DDX54: variants seen among roughly 807,000 people sequenced by gnomAD.
The protein encoded by DDX54 is DEAD-box helicase 54, also known as ATP-dependent RNA helicase DDX54.
Under a neutral mutation model 105.5 loss-of-function variants are expected in DDX54, and 67 were observed. The ratio of observed to expected loss-of-function variants is 0.64; its 90% CI spans 0.52 to 0.78. The LOEUF is 0.78. Ranked by LOEUF, DDX54 falls within the 30% of genes least tolerant of loss-of-function variation. The pLI, the probability that DDX54 is intolerant of heterozygous loss-of-function variation, is 0.00. For synonymous variants in DDX54, 514 were observed against 509.9 expected (o/e 1.01, Z -0.11); for missense variants, 1,206 against 1,230.5 (o/e 0.98, Z 0.30).
In DDX54 at chr12:113,158,667, C is replaced by T; in HGVS notation, c.*210G>A. 1 of 574,220 alleles carries T rather than the reference C, an allele frequency of 1.7e-6. No homozygotes were observed. The highest frequency in any genetic ancestry group is 2.9e-6 in the Non-Finnish European group (1 of 346,302). 35.6% of individuals were successfully genotyped at this position (574,220 alleles called of 1,614,324 possible). A position where few individuals can be genotyped will look rare whatever the true frequency, so the allele number is the denominator to read the frequency against. On this transcript the variant is annotated 3_prime_UTR_variant, in exon 20 of 20. Transcript: ENST00000306014. The surrounding 1 kb of genome is among the most constrained non-coding windows in gnomAD (Gnocchi z 4.9). ...GCTTTGCTGGCGAACTCCTGCACAC[C>T]CTTCAAGGCCCTGTTCAAATGTCTC...
chr12:113,174,898 T>C lies in DDX54; in HGVS notation c.913A>G (p.Thr305Ala), dbSNP rs1397768744. Residue 305 changes from threonine (T) to alanine (A), a missense_variant, in exon 9 of 20, where the codon ACC becomes GCC. This residue lies in a region of DDX54 where 961 missense variants were observed against 1,019.1 expected (regional missense o/e 0.94). Transcript: ENST00000306014. ...EPVLIRLDVD[T>A]KLNEQLKTSF... ...ACCTTCAGCTGCTCGTTGAGCTTGG[T>C]ATCCACGTCAAGCCGGATGAGCACG... is the stretch of plus-strand genomic sequence containing the variant. The C allele has an allele frequency of 1.2e-6, 2 of 1,613,796 alleles. No individual in the cohort carries two copies. Among genetic ancestry groups the C allele is most frequent in the Non-Finnish European group, 1.7e-6 (2 of 1,179,934 alleles).
At chr12:113,176,709 A>G in intron 7 of DDX54, 131 bp downstream of exon 7, 1 of 909,062 alleles carries the variant, frequency 1.1e-6, no homozygotes, top group Non-Finnish European at 1.7e-6. Flanking sequence ...TCTGCAGCCC[A>G]CATCTGGGAA....
At chr12:113,179,730 C>A (rs1223006600) in intron 3 of DDX54, among the ~76,000 whole-genome samples, 2 of 152,206 alleles carry the variant, frequency 1.3e-5, no homozygotes, top group East Asian at 3.8e-4. Context: ...CTCCAGGAGG[C>A]TCAACTGGCA....
chr12:113,163,318 C>T lies in DDX54; in HGVS notation c.1939-44G>A. 1 of 1,575,254 alleles carries T rather than the reference C, an allele frequency of 6.3e-7. No individual in the cohort carries two copies. The highest frequency in any genetic ancestry group is 8.6e-7 in the Non-Finnish European group (1 of 1,160,964). ...AGGCCCAGTGTCATGCCTGCTGCCCCCTGGGGACTTCCCCCTGCCTCCCTA... is the reference window on the plus strand; with the variant it reads ...AGGCCCAGTGTCATGCCTGCTGCCCTCTGGGGACTTCCCCCTGCCTCCCTA... On this transcript the variant is annotated intron_variant, in intron 15 of 19. Coordinates refer to ENST00000306014, the MANE Select transcript of DDX54 (RefSeq NM_024072.4). This position sits in a 1 kb window ranked among gnomAD's most constrained non-coding sequence, Gnocchi z 5.9.
In DDX54 at chr12:113,164,713, C is replaced by A. The variant is rs1952252904; in HGVS notation, c.1720-428G>T. On this transcript the variant is annotated intron_variant, in intron 14 of 19. Coordinates refer to ENST00000306014, the MANE Select transcript of DDX54 (RefSeq NM_024072.4). Reference sequence around the variant, plus strand: ...TGGGTAACAGAGCGAGACTCCATCTCAAAAACAAAACCAAACAAAAACACA... The same window carrying A: ...TGGGTAACAGAGCGAGACTCCATCTAAAAAACAAAACCAAACAAAAACACA... Among the ~76,000 whole-genome samples, 3 of 151,338 alleles carry A rather than the reference C, an allele frequency of 2.0e-5. No individual in the cohort carries two copies. In the South Asian group the frequency reaches 6.3e-4, roughly 32 times the overall value.
intron 12 of DDX54, chr12:113,168,044 G>A (rs951040143): frequency 1.8e-5 from 8 of 442,366 alleles, no homozygotes; most frequent in African/African-American, 4.2e-5. Flanking sequence ...CCTGCGTGGC[G>A]CCCGACTGAG....
In DDX54 at chr12:113,158,840, A is replaced by G; in HGVS notation, c.*37T>C. 6.4e-7 allele frequency: 1 copy of G among 1,556,648 alleles called. No individual in the cohort carries two copies. Among genetic ancestry groups the G allele is most frequent in the Non-Finnish European group, 8.7e-7 (1 of 1,145,844 alleles). On this transcript the variant is annotated 3_prime_UTR_variant, in exon 20 of 20. Transcript: ENST00000306014. This position sits in a 1 kb window ranked among gnomAD's most constrained non-coding sequence, Gnocchi z 4.9. ...GGAACGTCTGCTGATGCCCACCCTA[A>G]GGCCAATCAAGGAGCCACGGGGCTG...
At chr12:113,178,872 C>A in intron 5 of DDX54, 105 bp downstream of exon 5, 1 of 1,424,738 alleles carries the variant, frequency 7.0e-7, no homozygotes, top group South Asian at 1.3e-5. Flanking sequence ...AGCACAGAAG[C>A]TGCTATTATT....
chr12:113,183,863 T>C (rs1432799065), intron 1 of DDX54: 1 of 152,022 alleles, frequency 6.6e-6, no homozygotes, highest in African/African-American at 2.4e-5. Flanking sequence ...CACAGCTCAC[T>C]GTACTCTCCG....
chr12:113,185,072 C>T (rs1304904244), intron 1 of DDX54, among the ~76,000 whole-genome samples: 1 of 152,238 alleles, frequency 6.6e-6, no homozygotes, highest in Non-Finnish European at 1.5e-5. Context: ...GCCCCGGGAT[C>T]CCAAGGCTCT....
chr12:113,170,548 A>G (rs772085398), intron 11 of DDX54, among the ~76,000 whole-genome samples: 1 of 152,132 alleles, frequency 6.6e-6, no homozygotes, highest in African/African-American at 2.4e-5. Flanking sequence ...CTGAGCTGGG[A>G]GGATTGCTTG....
intron 10 of DDX54, 115 bp from the exon 11 acceptor site, chr12:113,172,678 T>TG (rs2136321077): frequency 7.7e-7 from 1 of 1,298,992 alleles, no homozygotes; most frequent in Admixed American, 2.1e-5. Flanking sequence ...CCACGGGTTC[T>TG]GGAGTCTGGC....
In DDX54 at chr12:113,174,179, C is replaced by CAAA. The variant is rs745618043; in HGVS notation, c.1068+458_1068+460dup. On this transcript the variant is annotated intron_variant, in intron 10 of 19. Transcript: ENST00000306014. ...GGGCGACAGAGTGAGATACCATTTC[C>CAAA]AAAAAAAAAAAAAAAGAAATGTTTT... Among the ~76,000 whole-genome samples, 1,585 of 109,578 alleles carry CAAA rather than the reference C, an allele frequency of 0.014. 56 individuals are homozygous for CAAA. In the East Asian group the frequency reaches 0.17, roughly 12 times the overall value. 71.9% of individuals were successfully genotyped at this position (109,578 alleles called of 152,430 possible). A position where few individuals can be genotyped will look rare whatever the true frequency, so the allele number is the denominator to read the frequency against.
intron 7 of DDX54, among the ~76,000 whole-genome samples, chr12:113,175,482 C>T (rs780938755): frequency 6.6e-6 from 1 of 152,128 alleles, no homozygotes; most frequent in Admixed American, 6.6e-5. Context: ...GATCCCATCT[C>T]TACAAAAATA....
chr12:113,162,794 G>C, intron 17 of DDX54, 138 bp downstream of exon 17: 1 of 794,122 alleles, frequency 1.3e-6, no homozygotes, highest in Non-Finnish European at 1.9e-6. Context: ...CCCGGGCATG[G>C]AGGGGCGGCT....
At chr12:113,169,671 T>A (rs959218752) in intron 12 of DDX54, 99 bp downstream of exon 12, 58 of 1,356,384 alleles carry the variant, frequency 4.3e-5, no homozygotes, top group Non-Finnish European at 5.7e-5. Context: ...AAAGGAATCA[T>A]CTTCTGCTGG....
At chr12:113,184,531 C>G (rs554860200) in intron 1 of DDX54, among the ~76,000 whole-genome samples, 53 of 152,300 alleles carry the variant, frequency 3.5e-4, no homozygotes, top group African/African-American at 1.1e-3. Context: ...ACATAGTAAA[C>G]GGTCAACAAA....
intron 12 of DDX54, among the ~76,000 whole-genome samples, chr12:113,166,589 A>C (rs552259622): frequency 6.6e-6 from 1 of 152,096 alleles, no homozygotes; most frequent in African/African-American, 2.4e-5. Context: ...TAGTCTCTCA[A>C]CTACTCAGGG....
chr12:113,182,879 T>TA (rs1300282263), intron 1 of DDX54, among the ~76,000 whole-genome samples: 1 of 150,216 alleles, frequency 6.7e-6, no homozygotes, highest in Non-Finnish European at 1.5e-5. Flanking sequence ...TTCAACACTT[T>TA]TTTTTTTTTT....
Sources: allele counts gnomAD v4.1 joint callset (sites outside exome capture counted in the v4.1 genomes callset), GRCh38; gene constraint gnomAD v4.1.1; regional missense constraint gnomAD v4.1.1; non-coding constraint Gnocchi (gnomAD v3.1); transcripts MANE v1.5; gene names NCBI Gene and HGNC (gene_info 2026-07-23, HGNC 2026-07-21).